MTFR1: variants seen among roughly 807,000 people sequenced by gnomAD.
The protein encoded by MTFR1 is chondrocyte protein with a poly-proline region.
A neutral mutation model predicts 38.8 loss-of-function variants in MTFR1; 28 were observed. The observed-to-expected ratio is 0.72, with a 90% CI of 0.53 to 0.99. MTFR1 has a LOEUF of 0.99. MTFR1 is among the 50% of genes least tolerant of loss of function. The probability of loss-of-function intolerance (pLI) is 0.00; values close to 1 mark genes in which losing one functional copy is unlikely to be tolerated. For missense variants in MTFR1, 358 were observed against 395.5 expected (o/e 0.91, Z 0.81); for synonymous variants, 145 against 137.0 (o/e 1.06, Z -0.41).
chr8:65,673,279 T>C (rs936448699), intron 2 of MTFR1, among the ~76,000 whole-genome samples: 1 of 152,074 alleles, frequency 6.6e-6, no homozygotes, highest in African/African-American at 2.4e-5. Flanking sequence ...CACATAACAT[T>C]TATCGATTAA....
intron 1 of MTFR1, among the ~76,000 whole-genome samples, chr8:65,664,924 T>C (rs976063871): frequency 6.8e-6 from 1 of 146,782 alleles, no homozygotes; most frequent in Non-Finnish European, 1.5e-5. Flanking sequence ...TTCATGCTTT[T>C]AAAAAAAAAT....
rs1312172311 is a variant in MTFR1 at position 65,683,406 on chromosome 8, A to C, written c.165+955A>C. On this transcript the variant is annotated intron_variant, in intron 3 of 7. Coordinates refer to ENST00000262146, the MANE Select transcript of MTFR1 (RefSeq NM_014637.4). ...CGGCCTTCCAAAGTGCTGGGATTAC[A>C]GGTGTGAGCCACTGTGCCTGGCCTT... Among the ~76,000 whole-genome samples, 7 of 152,274 alleles carry C rather than the reference A, an allele frequency of 4.6e-5. No homozygotes were observed. The East Asian group carries it at 1.4e-3, about 29-fold the overall frequency.
At chr8:65,751,575 C>T (rs1237808462) in intron 3 of MTFR1, among the ~76,000 whole-genome samples, 1 of 152,132 alleles carries the variant, frequency 6.6e-6, no homozygotes, top group Non-Finnish European at 1.5e-5. Context: ...TCACCGCAAC[C>T]TCCGCCTCCG....
intron 1 of MTFR1, among the ~76,000 whole-genome samples, chr8:65,660,724 C>A (rs1809390198): frequency 6.6e-6 from 1 of 152,098 alleles, no homozygotes; most frequent in South Asian, 2.1e-4. Context: ...CTCTGGAGAA[C>A]CCTGACTAAA....
intron 3 of MTFR1, among the ~76,000 whole-genome samples, chr8:65,736,861 T>C (rs1307486785): frequency 6.8e-6 from 1 of 147,658 alleles, no homozygotes; most frequent in East Asian, 2.1e-4. Flanking sequence ...TAGCTCTTCA[T>C]TTGGCTGTAC....
chr8:65,683,734 A>C (rs1804979786), intron 3 of MTFR1, among the ~76,000 whole-genome samples: 1 of 150,720 alleles, frequency 6.6e-6, no homozygotes, highest in Non-Finnish European at 1.5e-5. Flanking sequence ...TTTTTTTTGG[A>C]GACAGAGTCT....
At chr8:65,662,032 C>CCTCTCTCTCTCCTTCTCTCTCTCCCT in intron 1 of MTFR1, among the ~76,000 whole-genome samples, 1 of 100,566 alleles carries the variant, frequency 9.9e-6, no homozygotes, top group East Asian at 3.9e-4. Context: ...TCTCTCTCTC[C>CCTCTCTCTCTCCTTCTCTCTCTCCCT]CTCTCTCTCC....
intron 5 of MTFR1, among the ~76,000 whole-genome samples, chr8:65,706,156 G>A (rs1805774182): frequency 6.6e-6 from 1 of 152,188 alleles, no homozygotes; most frequent in Non-Finnish European, 1.5e-5. Context: ...CTGTGCTTAT[G>A]CCTGTAACTT....
Position 65,682,394 on chromosome 8 carries a change from C to G in MTFR1, c.108C>G (p.Ile36Met). Residue 36 changes from isoleucine to methionine, a missense_variant, in exon 3 of 8, where the codon ATC (isoleucine) becomes ATG (methionine). By Grantham distance (10) the Ile-to-Met change is conservative. Transcript: ENST00000262146. ...AGCCATATGGTTCGTCTCGAAGTAT[C>G]GTAAGGAAAATTGGTACTAATTTGT... ...SRKPYGSSRS[I>M]VRKIGTNLSL... The G allele has an allele frequency of 6.4e-7, 1 of 1,571,616 alleles. No individual in the cohort carries two copies.
chr8:65,719,249 A>G (rs769735700), intron 2 of MTFR1: 2 of 1,442,124 alleles, frequency 1.4e-6, no homozygotes. Flanking sequence ...TCACATTTCT[A>G]AAAACCTCCA....
At chr8:65,750,941 C>T (rs1807921288) in intron 3 of MTFR1, among the ~76,000 whole-genome samples, 1 of 152,130 alleles carries the variant, frequency 6.6e-6, no homozygotes, top group South Asian at 2.1e-4. Flanking sequence ...ATCATGGAAG[C>T]CCAATGCCTT....
chr8:65,727,406 CT>C, intron 3 of MTFR1: 1 of 1,501,266 alleles, frequency 6.7e-7, no homozygotes, highest in Non-Finnish European at 9.0e-7. Flanking sequence ...TGGTAATCTC[CT>C]CCCCCTTCAC....
chr8:65,747,790 A>G (rs1347302867), intron 3 of MTFR1: 1 of 1,603,948 alleles, frequency 6.2e-7, no homozygotes, highest in Non-Finnish European at 8.5e-7. Context: ...CAGACACTTC[A>G]ATTTCAGATT....
chr8:65,691,748 G>T (rs184103986), intron 3 of MTFR1, among the ~76,000 whole-genome samples: 1 of 152,104 alleles, frequency 6.6e-6, no homozygotes, highest in Non-Finnish European at 1.5e-5. Context: ...CTCCCATGTT[G>T]AAGTGATTCT....
At chr8:65,644,670 T>A (rs577555885), upstream of MTFR1, 13 of 152,384 alleles carry the variant, frequency 8.5e-5, no homozygotes, top group African/African-American at 3.1e-4. Flanking sequence ...AACAGCTGAT[T>A]GATCAGCCTG....
At chr8:65,661,819 C>T (rs1188773317) in intron 1 of MTFR1, among the ~76,000 whole-genome samples, 1 of 151,834 alleles carries the variant, frequency 6.6e-6, no homozygotes, top group Admixed American at 6.6e-5. Context: ...TCAAAATTAG[C>T]CAGGCATGGT....
chr8:65,655,657 GGTA>G (rs1809233861), intron 1 of MTFR1, among the ~76,000 whole-genome samples: 2 of 151,828 alleles, frequency 1.3e-5, no homozygotes, highest in African/African-American at 4.8e-5. Context: ...ATTTTCAAAA[GGTA>G]GTATAGGGTC....
intron 1 of MTFR1, among the ~76,000 whole-genome samples, chr8:65,665,175 C>T (rs371826997): frequency 9.2e-5 from 14 of 151,480 alleles, no homozygotes; most frequent in East Asian, 3.9e-4. Context: ...CCTCATAATC[C>T]GCCCACCTCA....
At chr8:65,775,076 T>C (rs1162701710), downstream of MTFR1, among the ~76,000 whole-genome samples, 1 of 152,210 alleles carries the variant, frequency 6.6e-6, no homozygotes, top group Non-Finnish European at 1.5e-5. Flanking sequence ...TGTTCAAATA[T>C]ATTTTTGGGG....
Sources: gnomAD v4.1 joint callset for allele counts (sites outside exome capture counted in the v4.1 genomes callset) on GRCh38, gnomAD v4.1.1 for gene constraint, MANE v1.5 for transcripts, NCBI Gene and HGNC (gene_info 2026-07-23, HGNC 2026-07-21) for gene names.